Variants in SLC30A7 observed in about 807,000 individuals in gnomAD.
SLC30A7 encodes the protein solute carrier family 30 member 7.
A neutral mutation model predicts 46.0 loss-of-function variants in SLC30A7; 35 were observed. The observed-to-expected ratio is 0.76, with a 90% CI of 0.58 to 1.01. The LOEUF (loss-of-function observed/expected upper bound fraction) is 1.01, where lower values mean the gene tolerates loss of function less well. Among genes scored for constraint, SLC30A7 ranks in the 50% least tolerant of loss-of-function variants. The pLI is 0.00. For missense variants in SLC30A7, 464 were observed against 451.1 expected (o/e 1.03, Z -0.26); for synonymous variants, 147 against 157.8 (o/e 0.93, Z 0.51).
At chr1:100,984,804 T>C (rs566214123), downstream of SLC30A7, among the ~76,000 whole-genome samples, 1 of 152,314 alleles carries the variant, frequency 6.6e-6, no homozygotes, top group East Asian at 1.9e-4. Context: ...AGAAAATCAA[T>C]AGATGGTAAA....
intron 8 of SLC30A7, among the ~76,000 whole-genome samples, chr1:100,961,018 G>A (rs1655518284): frequency 1.4e-5 from 2 of 141,548 alleles, no homozygotes; most frequent in South Asian, 2.3e-4. Flanking sequence ...GCAGTGGTGC[G>A]ATCTCGGCTC....
At chr1:100,918,237 G>A (rs1652716954) in intron 7 of SLC30A7, 110 bp downstream of exon 7, 2 of 852,872 alleles carry the variant, frequency 2.3e-6, no homozygotes, top group Non-Finnish European at 3.8e-6. Context: ...CATAGTGTTT[G>A]TGTTTAGTGT....
intron 2 of SLC30A7, among the ~76,000 whole-genome samples, chr1:100,900,840 G>A (rs920555432): frequency 1.3e-5 from 2 of 152,020 alleles, no homozygotes; most frequent in African/African-American, 4.8e-5. Context: ...TTTTGAACAC[G>A]TTTAACAAAC....
rs115126756 is a variant in SLC30A7 at position 100,978,768 on chromosome 1, G to A, written c.*3911G>A. The A allele has an allele frequency of 1.4e-4, 22 of 151,988 alleles. No homozygotes were observed. Among genetic ancestry groups the A allele is most frequent in the East Asian group, 1.4e-3 (7 of 5,184 alleles). 9.4% of individuals were successfully genotyped at this position (151,988 alleles called of 1,614,324 possible). ...ATGGACTTTTATTGTCTCATTTTTCGTATATAATTATTTCCATCATATTCT... is the reference window on the plus strand; with the variant it reads ...ATGGACTTTTATTGTCTCATTTTTCATATATAATTATTTCCATCATATTCT... On this transcript the variant is annotated 3_prime_UTR_variant, in exon 11 of 11. Transcript: ENST00000357650.
rs561302702 is a variant in SLC30A7 at position 100,946,584 on chromosome 1, C to T, written c.843-15244C>T. On this transcript the variant is annotated intron_variant, in intron 8 of 10. Coordinates refer to ENST00000357650, the MANE Select transcript of SLC30A7 (RefSeq NM_133496.5). ...TTGGTTCAGTTTATGTGATGGATTA[C>T]GTTTATTGATTTGCATATGTTGAAC... Among the ~76,000 whole-genome samples the T allele has an allele frequency of 1.8e-4, 28 of 152,164 alleles. 1 individual carries two copies. The highest frequency in any genetic ancestry group is 2.1e-4 in the South Asian group (1 of 4,820).
chr1:100,932,771 A>G (rs867180951), intron 8 of SLC30A7, among the ~76,000 whole-genome samples: 1 of 152,178 alleles, frequency 6.6e-6, no homozygotes, highest in African/African-American at 2.4e-5. Flanking sequence ...AATAAAAACA[A>G]TACAGAGCTA....
the SLC30A7 span, among the ~76,000 whole-genome samples, chr1:100,993,553 AATATAAATATATAT>A: frequency 2.8e-5 from 1 of 35,934 alleles, no homozygotes; most frequent in Non-Finnish European, 5.9e-5. Context: ...CTCTGTCGAA[AATATAAATATATAT>A]ATATATATAT....
intron 8 of SLC30A7, among the ~76,000 whole-genome samples, chr1:100,944,833 A>G (rs1036746508): frequency 6.6e-6 from 1 of 152,118 alleles, no homozygotes; most frequent in African/African-American, 2.4e-5. Context: ...GTCAAGTGGT[A>G]TTTCTAGTTC....
At chr1:100,922,351 G>C (rs1274268568) in intron 8 of SLC30A7, among the ~76,000 whole-genome samples, 1 of 152,050 alleles carries the variant, frequency 6.6e-6, no homozygotes, top group Non-Finnish European at 1.5e-5. Context: ...ATATTTGGCA[G>C]TTAAATTTTT....
chr1:100,978,982 T>C lies in SLC30A7; in HGVS notation c.*4125T>C, dbSNP rs1656736738. On this transcript the variant is annotated 3_prime_UTR_variant, in exon 11 of 11. Transcript: ENST00000357650. ...TTATGGTCTCTGAACTGGTATTTTT[T>C]TATAAACCAGGCTAATTCACAGGTC... 1.3e-5 allele frequency: 2 copies of C among 152,200 alleles called. No individual in the cohort carries two copies. Among genetic ancestry groups the C allele is most frequent in the Admixed American group, 6.5e-5 (1 of 15,286 alleles). 9.4% of individuals were successfully genotyped at this position (152,200 alleles called of 1,614,324 possible). A position where few individuals can be genotyped will look rare whatever the true frequency, so the allele number is the denominator to read the frequency against.
At chr1:100,915,600 T>A (rs950882954) in intron 6 of SLC30A7, among the ~76,000 whole-genome samples, 4 of 152,196 alleles carry the variant, frequency 2.6e-5, no homozygotes, top group African/African-American at 9.7e-5. Flanking sequence ...GTGTCAAAAT[T>A]AGAAGGATTT....
intron 8 of SLC30A7, among the ~76,000 whole-genome samples, chr1:100,922,071 A>G (rs1038853216): frequency 6.7e-6 from 1 of 149,784 alleles, no homozygotes; most frequent in African/African-American, 2.5e-5. Context: ...CTCCTGCGTC[A>G]GCCTCTCAAG....
At chr1:100,992,601 G>C in the SLC30A7 span, 1 of 1,458,642 alleles carries the variant, frequency 6.9e-7, no homozygotes, top group South Asian at 1.1e-5. Flanking sequence ...TAGTAACAGA[G>C]GAATAATATG....
chr1:100,992,582 A>T, the SLC30A7 span: 1 of 1,285,636 alleles, frequency 7.8e-7, no homozygotes, highest in Admixed American at 1.7e-5. Flanking sequence ...TCATATACAC[A>T]TCTAAATGTA....
chr1:100,935,779 G>T (rs746747347), intron 8 of SLC30A7, among the ~76,000 whole-genome samples: 8 of 152,120 alleles, frequency 5.3e-5, no homozygotes, highest in Non-Finnish European at 7.4e-5. Flanking sequence ...TTTGACAAAG[G>T]TTTCTTGGGA....
chr1:100,917,497 T>A (rs1056486194), intron 6 of SLC30A7, among the ~76,000 whole-genome samples: 2 of 152,228 alleles, frequency 1.3e-5, no homozygotes, highest in Non-Finnish European at 2.9e-5. Context: ...GCTCATCTTT[T>A]GCCTTGTTTT....
rs930535386 is a variant in SLC30A7, at chr1:100,974,710, A to G, written c.1084-100A>G. The G allele has an allele frequency of 1.1e-5, 9 of 838,264 alleles. No individual in the cohort carries two copies. The African/African-American group carries it at 1.2e-4, about 11-fold the overall frequency. 51.9% of individuals were successfully genotyped at this position (838,264 alleles called of 1,614,324 possible). A position where few individuals can be genotyped will look rare whatever the true frequency, so the allele number is the denominator to read the frequency against. On this transcript the variant is annotated intron_variant, in intron 10 of 10. Coordinates refer to ENST00000357650, the MANE Select transcript of SLC30A7 (RefSeq NM_133496.5). ...CTGAAATGATTCTTTTCTTTTTTTA[A>G]AAAAGTGAGATTTGTAAAAGAAAAA...
At chr1:100,903,169 T>C (rs901024969) in intron 2 of SLC30A7, among the ~76,000 whole-genome samples, 9 of 152,102 alleles carry the variant, frequency 5.9e-5, no homozygotes, top group South Asian at 2.1e-4. Flanking sequence ...ACTTTTAAAT[T>C]TAGTTATAAA....
At chr1:100,910,689 C>G (rs982104913) in intron 3 of SLC30A7, among the ~76,000 whole-genome samples, 2 of 152,038 alleles carry the variant, frequency 1.3e-5, no homozygotes, top group Non-Finnish European at 2.9e-5. Flanking sequence ...TTTTCCAGAC[C>G]CTTTCTTCTA....
Sources: gnomAD v4.1 joint callset for allele counts (sites outside exome capture counted in the v4.1 genomes callset) on GRCh38, gnomAD v4.1.1 for gene constraint, MANE v1.5 for transcripts, NCBI Gene and HGNC (gene_info 2026-07-23, HGNC 2026-07-21) for gene names.